The following CLYBL variants were observed in gnomAD, a reference collection of about 807,000 sequenced individuals.
CLYBL encodes citramalyl-CoA lyase.
Under a neutral mutation model 38.9 loss-of-function variants are expected in CLYBL, and 31 were observed. The observed-to-expected ratio is 0.80, with a 90% CI of 0.60 to 1.08. CLYBL has a LOEUF of 1.08. Among genes scored for constraint, CLYBL ranks in the 50% least tolerant of loss-of-function variants. CLYBL has a pLI of 0.00. For synonymous variants in CLYBL, 171 were observed against 158.6 expected (o/e 1.08, Z -0.59); for missense variants, 434 against 411.6 (o/e 1.05, Z -0.47).
chr13:99,901,794 G>A (rs1252388229), downstream of CLYBL, among the ~76,000 whole-genome samples: 3 of 151,812 alleles, frequency 2.0e-5, no homozygotes, highest in Admixed American at 6.6e-5. Flanking sequence ...ACAGTACCTC[G>A]GATTACAAGC....
chr13:99,862,913 A>ACT, intron 3 of CLYBL, 78 bp from the exon 4 acceptor site: 1 of 586,114 alleles, frequency 1.7e-6, no homozygotes, highest in Non-Finnish European at 3.0e-6. Context: ...TCAAAGACTT[A>ACT]AATACTACTT....
At chr13:99,772,116 C>G (rs74112561) in intron 1 of CLYBL, among the ~76,000 whole-genome samples, 36 of 150,280 alleles carry the variant, frequency 2.4e-4, no homozygotes, top group African/African-American at 8.0e-4. Context: ...TTTTTTTTTT[C>G]TACTTTTTTA....
At chr13:99,854,782 G>A (rs772229070) in intron 2 of CLYBL, among the ~76,000 whole-genome samples, 9 of 152,164 alleles carry the variant, frequency 5.9e-5, no homozygotes, top group East Asian at 3.8e-4. Flanking sequence ...GCTTTCTTAC[G>A]TCACCAGAGC....
At chr13:99,804,019 G>A (rs376229858) in intron 2 of CLYBL, among the ~76,000 whole-genome samples, 1 of 152,192 alleles carries the variant, frequency 6.6e-6, no homozygotes, top group Non-Finnish European at 1.5e-5. Context: ...AAGAAAGGAC[G>A]ACCAGAAAAC....
At chr13:99,789,118 A>G (rs556304316) in intron 2 of CLYBL, among the ~76,000 whole-genome samples, 15 of 152,040 alleles carry the variant, frequency 9.9e-5, no homozygotes, top group South Asian at 8.3e-4. Context: ...CTAGCGGTCT[A>G]TCAATTTTGT....
intron 7 of CLYBL, among the ~76,000 whole-genome samples, chr13:99,887,787 T>C (rs866170610): frequency 7.9e-5 from 12 of 151,828 alleles, no homozygotes; most frequent in Non-Finnish European, 5.9e-5. Flanking sequence ...AGTAGAATGG[T>C]GGTTGTTGAG....
intron 1 of CLYBL, among the ~76,000 whole-genome samples, chr13:99,609,766 G>C (rs1439952744): frequency 6.6e-6 from 1 of 152,124 alleles, no homozygotes; most frequent in East Asian, 1.9e-4. Flanking sequence ...CTCGAACTTG[G>C]CTCAAGCAAT....
intron 1 of CLYBL, among the ~76,000 whole-genome samples, chr13:99,648,008 G>A (rs1459049696): frequency 3.9e-5 from 6 of 152,048 alleles, no homozygotes; most frequent in African/African-American, 1.5e-4. Flanking sequence ...TGTTGGCTCT[G>A]GGGGTAATAA....
Position 99,813,475 on chromosome 13 carries a change from A to C in CLYBL, c.249+40465A>C, listed in dbSNP as rs552671653. ...AATAATTTCTGCTCAGTAGCTTGGT[A>C]CTGCAATCTTCAGTGTTCATGGGGA... On this transcript the variant is annotated intron_variant, in intron 2 of 8. Transcript: ENST00000339105. Among the ~76,000 whole-genome samples the C allele has an allele frequency of 2.6e-5, 4 of 152,282 alleles. No individual in the cohort carries two copies. In the East Asian group the frequency reaches 7.7e-4, roughly 29 times the overall value.
At chr13:99,824,457 T>A (rs1243387341) in intron 2 of CLYBL, among the ~76,000 whole-genome samples, 2 of 152,190 alleles carry the variant, frequency 1.3e-5, no homozygotes, top group Non-Finnish European at 2.9e-5. Context: ...AGACTATTTC[T>A]GGCAAATAAA....
chr13:99,772,115 T>C (rs1007457006), intron 1 of CLYBL, among the ~76,000 whole-genome samples: 3 of 152,228 alleles, frequency 2.0e-5, no homozygotes, highest in South Asian at 2.1e-4. Context: ...GTTTTTTTTT[T>C]CTACTTTTTT....
chr13:99,671,779 C>CAAAA (rs753315768), intron 1 of CLYBL, among the ~76,000 whole-genome samples: 1 of 88,730 alleles, frequency 1.1e-5, no homozygotes, highest in African/African-American at 3.6e-5. Flanking sequence ...GACTCTTTCT[C>CAAAA]AAAAAAAAAA....
At chr13:99,631,163 A>G (rs1466830964) in intron 1 of CLYBL, among the ~76,000 whole-genome samples, 1 of 152,152 alleles carries the variant, frequency 6.6e-6, no homozygotes, top group East Asian at 1.9e-4. Flanking sequence ...CTCCACAAAA[A>G]ATAGAAAAAT....
chr13:99,721,357 T>C (rs1219791528), intron 1 of CLYBL, among the ~76,000 whole-genome samples: 1 of 152,060 alleles, frequency 6.6e-6, no homozygotes, highest in Non-Finnish European at 1.5e-5. Context: ...AATTCTTTTA[T>C]TGGCCATATG....
intron 8 of CLYBL, among the ~76,000 whole-genome samples, chr13:99,903,315 C>T (rs1169190751): frequency 6.6e-6 from 1 of 152,126 alleles, no homozygotes; most frequent in Non-Finnish European, 1.5e-5. Flanking sequence ...AAGGTGCTCC[C>T]CCAGCACTGG....
chr13:99,834,173 G>A (rs922541203), intron 2 of CLYBL, among the ~76,000 whole-genome samples: 3 of 152,116 alleles, frequency 2.0e-5, no homozygotes, highest in African/African-American at 7.2e-5. Flanking sequence ...GCTTTAAGGT[G>A]CTCCAAGAGG....
intron 1 of CLYBL, among the ~76,000 whole-genome samples, chr13:99,634,102 A>G (rs1184739715): frequency 6.6e-6 from 1 of 152,222 alleles, no homozygotes. Context: ...TCCAAAAATA[A>G]GAAAGTCCTG....
chr13:99,864,938 T>C (rs777733786), intron 5 of CLYBL, 27 bp downstream of exon 5: 4 of 1,486,494 alleles, frequency 2.7e-6, no homozygotes, highest in Non-Finnish European at 3.7e-6. Flanking sequence ...TCTCTCTCTT[T>C]TTCTGTGTGT....
chr13:99,610,350 C>T (rs567481486), intron 1 of CLYBL, among the ~76,000 whole-genome samples: 1 of 152,116 alleles, frequency 6.6e-6, no homozygotes, highest in Non-Finnish European at 1.5e-5. Flanking sequence ...ACTTTCTTTT[C>T]GTTGCATGTC....
Sources: gnomAD v4.1 joint callset for allele counts (sites outside exome capture counted in the v4.1 genomes callset) on GRCh38, gnomAD v4.1.1 for gene constraint, MANE v1.5 for transcripts, NCBI Gene and HGNC (gene_info 2026-07-23, HGNC 2026-07-21) for gene names.